Variants in DPH6 observed in about 807,000 individuals in gnomAD.
DPH6 encodes diphthamine biosynthesis 6, also known as diphthine--ammonia ligase.
In DPH6, 33 loss-of-function variants were observed where a neutral mutation model predicts 38.2. That is an observed-to-expected ratio of 0.86 (90% CI 0.65 to 1.15). DPH6 has a LOEUF of 1.15. DPH6 is among the 50% of genes most tolerant of loss of function. DPH6 has a pLI of 0.00. For missense variants in DPH6, 325 were observed against 320.0 expected (o/e 1.02, Z -0.12); for synonymous variants, 108 against 103.0 (o/e 1.05, Z -0.30).
intron 5 of DPH6, among the ~76,000 whole-genome samples, chr15:35,448,596 C>A (rs2053887390): frequency 6.6e-6 from 1 of 152,098 alleles, no homozygotes; most frequent in Non-Finnish European, 1.5e-5. Flanking sequence ...CACTTCGTGG[C>A]AGCACTGTTT....
intron 3 of DPH6, among the ~76,000 whole-genome samples, chr15:35,221,523 A>G (rs2051442075): frequency 6.6e-6 from 1 of 152,212 alleles, no homozygotes; most frequent in African/African-American, 2.4e-5. Flanking sequence ...CTGCAGAGTT[A>G]TCACCATGTG....
chr15:35,364,409 G>C (rs1430792025), intron 3 of DPH6, among the ~76,000 whole-genome samples: 1 of 151,916 alleles, frequency 6.6e-6, no homozygotes, highest in East Asian at 1.9e-4. Context: ...TGTCATGCAT[G>C]TTATTAACTA....
chr15:35,488,356 GAA>G (rs1291815363), intron 3 of DPH6, among the ~76,000 whole-genome samples: 1 of 152,114 alleles, frequency 6.6e-6, no homozygotes, highest in Admixed American at 6.6e-5. Flanking sequence ...ACACTGTTAT[GAA>G]AAACTACATA....
intron 3 of DPH6, among the ~76,000 whole-genome samples, chr15:35,313,078 A>C (rs1453395351): frequency 1.3e-5 from 2 of 151,934 alleles, no homozygotes; most frequent in East Asian, 1.9e-4. Context: ...AAATACAAAA[A>C]AAAAATTATC....
At chr15:35,503,063 GTATT>G (rs1354944741) in intron 3 of DPH6, among the ~76,000 whole-genome samples, 1 of 151,314 alleles carries the variant, frequency 6.6e-6, no homozygotes, top group Non-Finnish European at 1.5e-5. Flanking sequence ...TTGAACAGCT[GTATT>G]TATTTAAATT....
At chr15:35,232,270 C>T (rs769391325) in intron 3 of DPH6, among the ~76,000 whole-genome samples, 1 of 152,160 alleles carries the variant, frequency 6.6e-6, no homozygotes, top group Non-Finnish European at 1.5e-5. Flanking sequence ...ATAATTGACA[C>T]AGAACCTGGA....
chr15:35,410,910 T>C lies in DPH6; in HGVS notation c.506-14A>G. 1 of 1,598,928 alleles carries C rather than the reference T, an allele frequency of 6.3e-7. No homozygotes were observed. Among genetic ancestry groups the C allele is most frequent in the Non-Finnish European group, 8.5e-7 (1 of 1,172,970 alleles). The stretch of plus-strand genomic sequence containing the variant: ...CAGGATCTAAACCTGCCAAGAAAGG[T>C]TACATTTTTTAAAGATAACTATCAG... On this transcript the variant is annotated splice_polypyrimidine_tract_variant and intron_variant, in intron 5 of 8. Coordinates refer to ENST00000256538, the MANE Select transcript of DPH6 (RefSeq NM_080650.4).
downstream of DPH6, among the ~76,000 whole-genome samples, chr15:35,328,955 A>C (rs930469430): frequency 6.6e-6 from 1 of 152,154 alleles, no homozygotes; most frequent in Admixed American, 6.6e-5. Flanking sequence ...AAAAGCGGAA[A>C]CCCCTGATAA....
chr15:35,410,498 T>A (rs1019707954), intron 6 of DPH6, among the ~76,000 whole-genome samples: 6 of 151,682 alleles, frequency 4.0e-5, no homozygotes, highest in African/African-American at 1.4e-4. Flanking sequence ...CTCCTGTTTC[T>A]GATGAAAAAG....
chr15:35,479,853 T>C (rs967894928), intron 3 of DPH6, among the ~76,000 whole-genome samples: 1 of 152,268 alleles, frequency 6.6e-6, no homozygotes, highest in Admixed American at 6.5e-5. Flanking sequence ...AAATTCTAAT[T>C]GAAAAGAACA....
chr15:35,303,694 TAAAA>T (rs879731153), intron 3 of DPH6, among the ~76,000 whole-genome samples: 1 of 141,892 alleles, frequency 7.0e-6, no homozygotes, highest in African/African-American at 2.6e-5. Flanking sequence ...GCTCTGGAGT[TAAAA>T]AAAAAAAAGG....
chr15:35,430,208 C>G (rs2053614751), intron 5 of DPH6, among the ~76,000 whole-genome samples: 1 of 152,080 alleles, frequency 6.6e-6, no homozygotes, highest in African/African-American at 2.4e-5. Flanking sequence ...GAAGGAGGGA[C>G]ACAGAAATAA....
chr15:35,334,714 T>A (rs1359443691), intron 3 of DPH6, among the ~76,000 whole-genome samples: 1 of 152,208 alleles, frequency 6.6e-6, no homozygotes, highest in Non-Finnish European at 1.5e-5. Flanking sequence ...ACATCATCCA[T>A]GTCCCTGCAA....
At chr15:35,394,453 A>G (rs2053101091) in intron 6 of DPH6, among the ~76,000 whole-genome samples, 1 of 152,228 alleles carries the variant, frequency 6.6e-6, no homozygotes, top group Non-Finnish European at 1.5e-5. Context: ...CTCATAGATG[A>G]TTAAATAAAA....
intron 4 of DPH6, among the ~76,000 whole-genome samples, chr15:35,452,508 TCTCA>T (rs2053948959): frequency 7.2e-6 from 1 of 138,366 alleles, no homozygotes; most frequent in African/African-American, 2.6e-5. Flanking sequence ...TCTCTCTCTC[TCTCA>T]GAGATCCCAA....
chr15:35,427,438 G>A (rs906869785), intron 5 of DPH6, among the ~76,000 whole-genome samples: 8 of 151,752 alleles, frequency 5.3e-5, no homozygotes, highest in African/African-American at 1.7e-4. Context: ...CAAATATTGC[G>A]ATTTTGCTAA....
At chr15:35,379,141 C>T (rs377171239) in intron 7 of DPH6, among the ~76,000 whole-genome samples, 3 of 152,152 alleles carry the variant, frequency 2.0e-5, no homozygotes, top group East Asian at 1.9e-4. Context: ...TGTTACATCC[C>T]GTTCTCTGAC....
downstream of DPH6, among the ~76,000 whole-genome samples, chr15:35,368,264 G>A (rs1437439582): frequency 6.6e-6 from 1 of 151,796 alleles, no homozygotes; most frequent in Non-Finnish European, 1.5e-5. Flanking sequence ...ACAGAATAAG[G>A]CAACGAAGGA....
intron 3 of DPH6, among the ~76,000 whole-genome samples, chr15:35,524,750 A>G (rs1261361031): frequency 6.6e-6 from 1 of 152,204 alleles, no homozygotes; most frequent in Admixed American, 6.5e-5. Flanking sequence ...TGCAATTATA[A>G]TTACAATAAG....
Sources: gnomAD v4.1 joint callset for allele counts (sites outside exome capture counted in the v4.1 genomes callset) on GRCh38, gnomAD v4.1.1 for gene constraint, MANE v1.5 for transcripts, NCBI Gene and HGNC (gene_info 2026-07-23, HGNC 2026-07-21) for gene names.